Variants in TANC2 observed in about 807,000 individuals in gnomAD.
The protein encoded by TANC2 is protein TANC2.
In TANC2, 26 loss-of-function variants were observed where a neutral mutation model predicts 210.5. That is an observed-to-expected ratio of 0.12 (90% CI 0.09 to 0.17). TANC2 has a LOEUF of 0.17. Among genes scored for constraint, TANC2 ranks in the 10% least tolerant of loss-of-function variants. TANC2 has a pLI of 1.00. For missense variants in TANC2, 2,129 were observed against 2,608.9 expected (o/e 0.82, Z 4.01); for synonymous variants, 931 against 967.1 (o/e 0.96, Z 0.69).
intron 8 of TANC2, among the ~76,000 whole-genome samples, chr17:63,253,013 T>C (rs1327240757): frequency 2.6e-5 from 4 of 152,200 alleles, no homozygotes; most frequent in Non-Finnish European, 5.9e-5. Context: ...GTAGTACTAT[T>C]TTCAATTTTT....
At chr17:63,175,206 T>C (rs1227543454) in intron 5 of TANC2, among the ~76,000 whole-genome samples, 1 of 152,184 alleles carries the variant, frequency 6.6e-6, no homozygotes, top group East Asian at 1.9e-4. Flanking sequence ...AAAGGACTTA[T>C]TTTTAAATAA....
Position 63,412,197 on chromosome 17 carries a change from G to T in TANC2, c.3898+67G>T, listed in dbSNP as rs1310358904. 2 of 1,604,778 alleles carry T rather than the reference G, an allele frequency of 1.2e-6. No homozygotes were observed. Among genetic ancestry groups the T allele is most frequent in the African/African-American group, 2.7e-5 (2 of 74,758 alleles). The stretch of plus-strand genomic sequence containing the variant: ...GCCAGACTGGTCCAGTGGTCTGGCT[G>T]CCCTGGGTATTTGGTGTGAGTGTAT... On this transcript the variant is annotated intron_variant, in intron 23 of 27. Transcript: ENST00000689528. This position sits in a 1 kb window ranked among gnomAD's most constrained non-coding sequence, Gnocchi z 4.2.
intron 2 of TANC2, among the ~76,000 whole-genome samples, chr17:63,043,555 G>A (rs1029027209): frequency 6.6e-6 from 1 of 152,032 alleles, no homozygotes; most frequent in African/African-American, 2.4e-5. Flanking sequence ...TGGTGGAGTC[G>A]GGACTTGTAC....
intron 14 of TANC2, among the ~76,000 whole-genome samples, chr17:63,361,936 C>T (rs987787527): frequency 2.6e-5 from 4 of 152,234 alleles, no homozygotes; most frequent in Non-Finnish European, 5.9e-5. Context: ...GATTGAGTAG[C>T]TCCTATGCAC....
At chr17:63,282,724 T>C (rs2044097032) in intron 9 of TANC2, among the ~76,000 whole-genome samples, 1 of 152,130 alleles carries the variant, frequency 6.6e-6, no homozygotes, top group Admixed American at 6.6e-5. Context: ...CTTTTGATAT[T>C]CTACTACTAT....
chr17:63,126,510 G>C (rs1410177890), intron 4 of TANC2, among the ~76,000 whole-genome samples: 1 of 152,122 alleles, frequency 6.6e-6, no homozygotes, highest in Non-Finnish European at 1.5e-5. Flanking sequence ...CTGGGTTCAA[G>C]CGATTCTCCT....
chr17:63,229,476 G>A (rs932921030), intron 7 of TANC2, among the ~76,000 whole-genome samples: 1 of 151,752 alleles, frequency 6.6e-6, no homozygotes, highest in Non-Finnish European at 1.5e-5. Context: ...TCAGTTGTTT[G>A]GAATAGTTTC....
chr17:63,239,719 A>C (rs905707076), intron 8 of TANC2, among the ~76,000 whole-genome samples: 2 of 152,186 alleles, frequency 1.3e-5, no homozygotes, highest in African/African-American at 4.8e-5. Context: ...GTTTTAGTCT[A>C]TTCTTATACT....
intron 21 of TANC2, among the ~76,000 whole-genome samples, chr17:63,407,203 T>C (rs941848596): frequency 7.9e-5 from 12 of 152,224 alleles, no homozygotes; most frequent in East Asian, 7.7e-4. Context: ...AAGATTTTTT[T>C]CCACAGACTC....
chr17:63,248,373 C>A (rs1469550532), intron 8 of TANC2, among the ~76,000 whole-genome samples: 1 of 151,976 alleles, frequency 6.6e-6, no homozygotes, highest in Admixed American at 6.6e-5. Context: ...ACGTCAAGGG[C>A]AGGATGGGGA....
chr17:63,375,350 TTA>T (rs932325241), intron 14 of TANC2, among the ~76,000 whole-genome samples: 4 of 152,244 alleles, frequency 2.6e-5, no homozygotes, highest in African/African-American at 9.6e-5. Flanking sequence ...AAGCAAGCAG[TTA>T]TCTCTAGCCA....
chr17:63,179,142 T>G (rs1405499011), intron 5 of TANC2, among the ~76,000 whole-genome samples: 1 of 152,220 alleles, frequency 6.6e-6, no homozygotes, highest in Non-Finnish European at 1.5e-5. Context: ...TTAAACTTTA[T>G]TTTTTTATTT....
exon 17 of TANC2, chr17:63,389,490 T>A (rs770179959): frequency 1.9e-6 from 3 of 1,613,436 alleles, no homozygotes; most frequent in Admixed American, 3.3e-5. Flanking sequence ...TGGGATATGC[T>A]GCAGCAGCAG....
At chr17:63,037,589 G>C (rs549434026) in intron 2 of TANC2, among the ~76,000 whole-genome samples, 1 of 151,978 alleles carries the variant, frequency 6.6e-6, no homozygotes, top group Non-Finnish European at 1.5e-5. Flanking sequence ...TGAGGCAGGC[G>C]GATTACCTGA....
intron 11 of TANC2, among the ~76,000 whole-genome samples, chr17:63,328,860 T>C (rs986584964): frequency 3.3e-5 from 5 of 152,164 alleles, no homozygotes; most frequent in Non-Finnish European, 7.4e-5. Flanking sequence ...CATTCCACAT[T>C]ATATACATAT....
intron 9 of TANC2, chr17:63,313,304 G>GA (rs1292922539): frequency 1.3e-5 from 2 of 152,132 alleles, no homozygotes; most frequent in African/African-American, 4.8e-5. Flanking sequence ...AAACAAAAAT[G>GA]AAATACCTGG....
intron 3 of TANC2, among the ~76,000 whole-genome samples, chr17:63,082,274 TTG>T (rs2036805696): frequency 6.6e-6 from 1 of 152,214 alleles, no homozygotes; most frequent in African/African-American, 2.4e-5. Flanking sequence ...TAAAAAAACT[TTG>T]TAAGTCTTTT....
rs935842683 is a variant in TANC2 at position 63,395,698 on chromosome 17, G to T, written c.3052-45G>T. 4 of 1,582,656 alleles carry T rather than the reference G, an allele frequency of 2.5e-6. No homozygotes were observed. In the African/African-American group the frequency reaches 4.0e-5, roughly 16 times the overall value. On this transcript the variant is annotated intron_variant, in intron 17 of 27. Coordinates refer to ENST00000689528, the Ensembl canonical transcript of TANC2. ...CGGATGTGACTAGATTGCGAGCTCA[G>T]CCACAAGTCTGTGTTCACACATATC... is the stretch of plus-strand genomic sequence containing the variant.
intron 9 of TANC2, among the ~76,000 whole-genome samples, chr17:63,269,684 A>G (rs1043671339): frequency 2.0e-5 from 3 of 152,180 alleles, no homozygotes; most frequent in African/African-American, 7.2e-5. Context: ...GGTAGTACCT[A>G]TCTGCTTGTA....
Sources: gnomAD v4.1 joint callset for allele counts (sites outside exome capture counted in the v4.1 genomes callset) on GRCh38, gnomAD v4.1.1 for gene constraint, Gnocchi (gnomAD v3.1) non-coding constraint, MANE v1.5 for transcripts, NCBI Gene and HGNC (gene_info 2026-07-23, HGNC 2026-07-21) for gene names.